Variants in SLC39A8 observed in about 807,000 individuals in gnomAD.
SLC39A8 encodes the protein metal cation symporter ZIP8.
SLC39A8 carries 15 observed loss-of-function variants against 40.4 expected under a neutral mutation model. The ratio of observed to expected loss-of-function variants is 0.37; its 90% CI spans 0.25 to 0.57. The LOEUF is 0.57. Ranked by LOEUF, SLC39A8 falls within the 20% of genes least tolerant of loss-of-function variation. SLC39A8 has a pLI of 0.75. For missense variants in SLC39A8, 472 were observed against 558.8 expected, an observed-to-expected ratio of 0.84 and a Z score of 1.57; for synonymous variants, 223 against 221.6, an observed-to-expected ratio of 1.01 and a Z score of -0.06.
intron 2 of SLC39A8, among the ~76,000 whole-genome samples, chr4:102,320,192 T>C (rs1187000476): frequency 1.5e-3 from 135 of 87,926 alleles, no homozygotes; most frequent in Non-Finnish European, 2.8e-3. Context: ...TATATATATG[T>C]ATATATATAT....
At chr4:102,328,727 G>A (rs4699012) in intron 2 of SLC39A8, among the ~76,000 whole-genome samples, 94,665 of 152,000 alleles carry the variant, frequency 0.62, 30,314 homozygotes, top group Middle Eastern at 0.81. Flanking sequence ...CCATATTAAG[G>A]CATATATAAC....
At chr4:102,308,301 G>A (rs1344444062) in intron 3 of SLC39A8, among the ~76,000 whole-genome samples, 1 of 152,030 alleles carries the variant, frequency 6.6e-6, no homozygotes, top group Non-Finnish European at 1.5e-5. Flanking sequence ...ACACAAATTA[G>A]GCAAAAATAT....
chr4:102,322,738 G>C (rs1160260354), intron 2 of SLC39A8, among the ~76,000 whole-genome samples: 4 of 152,188 alleles, frequency 2.6e-5, no homozygotes, highest in Admixed American at 2.6e-4. Context: ...TTGAGATTCT[G>C]TGGGAGGCTG....
intron 3 of SLC39A8, among the ~76,000 whole-genome samples, chr4:102,308,719 T>G (rs1734297301): frequency 6.6e-6 from 1 of 152,110 alleles, no homozygotes; most frequent in Non-Finnish European, 1.5e-5. Flanking sequence ...AAAGCATGTT[T>G]AAATGGTGGG....
intron 2 of SLC39A8, among the ~76,000 whole-genome samples, chr4:102,332,789 T>G (rs10461136): frequency 0.69 from 105,182 of 152,102 alleles, 37,731 homozygotes; most frequent in Middle Eastern, 0.84. Context: ...TGATGGATTG[T>G]ATAAAGAAAA....
At position 102,262,153 on chromosome 4, in the gene SLC39A8, C is replaced by G; in HGVS notation, c.*891G>C. ...TTTGCATTTATTAAAATATTCTCTG[C>G]TAAATAGTTATGTTTGTCTTTAAAA... is the stretch of plus-strand genomic sequence containing the variant. On this transcript the variant is annotated 3_prime_UTR_variant, in exon 9 of 9. Coordinates refer to ENST00000356736, the MANE Select transcript of SLC39A8 (RefSeq NM_001135146.2). 2 of 985,702 alleles carry G rather than the reference C, an allele frequency of 2.0e-6. No individual in the cohort carries two copies. Among genetic ancestry groups the G allele is most frequent in the South Asian group, 9.4e-5 (2 of 21,278 alleles). 61.1% of individuals were successfully genotyped at this position (985,702 alleles called of 1,614,324 possible).
rs1244968911 is a variant in SLC39A8, at chr4:102,262,648, T to C, written c.*396A>G. The C allele has an allele frequency of 5.1e-6, 5 of 988,860 alleles. No individual in the cohort carries two copies. The highest frequency in any genetic ancestry group is 6.0e-6 in the Non-Finnish European group (5 of 832,370). The allele number at this position is 988,860 out of a possible 1,614,324, so 61.3% of individuals were successfully genotyped here. On this transcript the variant is annotated 3_prime_UTR_variant, in exon 9 of 9. Coordinates refer to ENST00000356736, the MANE Select transcript of SLC39A8 (RefSeq NM_001135146.2). Reference sequence around the variant, plus strand: ...AACAAATTAATTGAAATAAAACCTCTCTGAAACCATTTGAATCTTTGATCC... The same window carrying C: ...AACAAATTAATTGAAATAAAACCTCCCTGAAACCATTTGAATCTTTGATCC...
In SLC39A8 at chr4:102,267,882, G is replaced by A; in HGVS notation, c.1038C>T (p.Pro346=). The A allele has an allele frequency of 6.2e-7, 1 of 1,613,974 alleles. No individual in the cohort carries two copies. The highest frequency in any genetic ancestry group is 8.5e-7 in the Non-Finnish European group (1 of 1,179,940). The change falls in exon 7 of 9, where the codon CCC becomes CCT. Residue 346 remains proline (P), a synonymous_variant. Coordinates refer to ENST00000356736, the MANE Select transcript of SLC39A8 (RefSeq NM_001135146.2). ...TSIAILCEEF[P]HELGDFVILL... is the part of the protein sequence containing the mutation. ...AACAGAGCTCCTTACCTAACTCGTG[G>A]GGAAACTCCTCACATAGGATTGCTA...
At chr4:102,326,397 TA>T (rs1244968032) in intron 2 of SLC39A8, among the ~76,000 whole-genome samples, 2 of 152,214 alleles carry the variant, frequency 1.3e-5, no homozygotes, top group East Asian at 3.9e-4. Context: ...CCGTCTCTAC[TA>T]AAACTACAAA....
chr4:102,255,696 C>T (rs1265110672), intron 11 of SLC39A8, among the ~76,000 whole-genome samples: 1 of 152,152 alleles, frequency 6.6e-6, no homozygotes, highest in African/African-American at 2.4e-5. Flanking sequence ...GAAGCTTTTA[C>T]ATGGACAAGG....
intron 2 of SLC39A8, among the ~76,000 whole-genome samples, chr4:102,331,876 T>C (rs1735482682): frequency 6.6e-6 from 1 of 152,180 alleles, no homozygotes; most frequent in Admixed American, 6.5e-5. Context: ...TCTACAACCA[T>C]CTGATCTTTG....
At chr4:102,320,169 A>ATG (rs1734846271) in intron 2 of SLC39A8, among the ~76,000 whole-genome samples, 1 of 24,568 alleles carries the variant, frequency 4.1e-5, no homozygotes, top group Non-Finnish European at 9.6e-5. Context: ...ATATATATAC[A>ATG]TATATATATA....
intron 2 of SLC39A8, among the ~76,000 whole-genome samples, chr4:102,323,697 G>T (rs974387305): frequency 6.6e-6 from 1 of 152,184 alleles, no homozygotes; most frequent in African/African-American, 2.4e-5. Context: ...AAGAAATCCT[G>T]TCTAGAAAGG....
At chr4:102,275,124 G>A (rs1013340659) in intron 6 of SLC39A8, among the ~76,000 whole-genome samples, 2 of 152,102 alleles carry the variant, frequency 1.3e-5, no homozygotes, top group African/African-American at 2.4e-5. Context: ...ATGTAAATGG[G>A]TTAAATGGCC....
At chr4:102,303,675 T>G (rs1734011200) in intron 6 of SLC39A8, among the ~76,000 whole-genome samples, 1 of 151,788 alleles carries the variant, frequency 6.6e-6, no homozygotes, top group Non-Finnish European at 1.5e-5. Context: ...ATCTTTCCAG[T>G]AAGTTGTCCT....
chr4:102,255,612 A>G (rs1731690246), intron 11 of SLC39A8, among the ~76,000 whole-genome samples: 1 of 152,210 alleles, frequency 6.6e-6, no homozygotes, highest in African/African-American at 2.4e-5. Context: ...CTTGTGGCAA[A>G]TGGGTGAGGT....
rs745876870 is a variant in SLC39A8 at position 102,262,993 on chromosome 4, T to C, written c.*51A>G. 5.3e-6 allele frequency: 8 copies of C among 1,523,104 alleles called. No homozygotes were observed. In the Admixed American group the frequency reaches 8.4e-5, roughly 16 times the overall value. The allele number at this position is 1,523,104 out of a possible 1,614,324, so 94.3% of individuals were successfully genotyped here. A position where few individuals can be genotyped will look rare whatever the true frequency, so the allele number is the denominator to read the frequency against. ...TCAGCTTCAAAATCCTTTTTGGAGATGTTTTTATCTATTAAATGCCTTTAT... is the reference window on the plus strand; with the variant it reads ...TCAGCTTCAAAATCCTTTTTGGAGACGTTTTTATCTATTAAATGCCTTTAT... On this transcript the variant is annotated 3_prime_UTR_variant, in exon 9 of 9. Transcript: ENST00000356736.
intron 6 of SLC39A8, among the ~76,000 whole-genome samples, chr4:102,290,503 G>A (rs1194362024): frequency 6.6e-6 from 1 of 152,108 alleles, no homozygotes; most frequent in Non-Finnish European, 1.5e-5. Context: ...CTACTTTCAT[G>A]TGATCACCTG....
At chr4:102,315,882 T>A (rs768673413) in intron 2 of SLC39A8, 52 bp from the exon 3 acceptor site, 99 of 1,475,588 alleles carry the variant, frequency 6.7e-5, no homozygotes, top group Non-Finnish European at 8.8e-5. Flanking sequence ...TAAAAGCACA[T>A]AAGCAAAGAT....
Sources: allele counts gnomAD v4.1 joint callset (sites outside exome capture counted in the v4.1 genomes callset), GRCh38; gene constraint gnomAD v4.1.1; transcripts MANE v1.5; gene names NCBI Gene and HGNC (gene_info 2026-07-23, HGNC 2026-07-21).